Variants in PPARA observed in about 807,000 individuals in gnomAD.
PPARA encodes peroxisome proliferator activated receptor alpha.
In PPARA, 22 loss-of-function variants were observed where a neutral mutation model predicts 42.2. The observed-to-expected ratio is 0.52, with a 90% CI of 0.37 to 0.74. PPARA has a LOEUF of 0.74. PPARA is among the 30% of genes least tolerant of loss of function. The pLI is 0.00. For missense variants in PPARA, 465 were observed against 608.2 expected (o/e 0.76, Z 2.48); for synonymous variants, 242 against 239.3 (o/e 1.01, Z -0.10).
In PPARA at chr22:46,195,712, C is replaced by T. The variant is rs1012053813; in HGVS notation, c.-42-2630C>T. Among the ~76,000 whole-genome samples, 2 of 152,114 alleles carry T rather than the reference C, an allele frequency of 1.3e-5. No individual in the cohort carries two copies. Among genetic ancestry groups the T allele is most frequent in the Non-Finnish European group, 1.5e-5 (1 of 68,020 alleles). On this transcript the variant is annotated intron_variant, in intron 3 of 8. Coordinates refer to ENST00000407236, the MANE Select transcript of PPARA (RefSeq NM_005036.6). This position sits in a 1 kb window ranked among gnomAD's most constrained non-coding sequence, Gnocchi z 4.6. ...TAATGGGTGAATATTTGCTTTGGGA[C>T]GGTATTCTTTACTCTATCTGGAGAG...
chr22:46,190,005 G>A lies in PPARA; in HGVS notation c.-42-8337G>A, dbSNP rs1024285192. Reference sequence around the variant, plus strand: ...CAGGCATGAGCGACTGCGCCCAGCCGTGTTCATCTATTTCTGTGAACCGAT... The same window carrying A: ...CAGGCATGAGCGACTGCGCCCAGCCATGTTCATCTATTTCTGTGAACCGAT... On this transcript the variant is annotated intron_variant, in intron 3 of 8. Coordinates refer to ENST00000407236, the MANE Select transcript of PPARA (RefSeq NM_005036.6). The surrounding 1 kb of genome is among the most constrained non-coding windows in gnomAD (Gnocchi z 5.6). Among the ~76,000 whole-genome samples the A allele has an allele frequency of 7.2e-5, 11 of 152,050 alleles. No homozygotes were observed. The highest frequency in any genetic ancestry group is 1.0e-4 in the Non-Finnish European group (7 of 67,998).
rs747248946 is a variant in PPARA at position 46,235,152 on chromosome 22, C to T, written c.1179C>T (p.Asn393=). The change falls in exon 9 of 9, where the codon AAC becomes AAT. Residue 393 remains asparagine, a synonymous_variant. Coordinates refer to ENST00000407236, the MANE Select transcript of PPARA (RefSeq NM_005036.6). This position sits in a 1 kb window ranked among gnomAD's most constrained non-coding sequence, Gnocchi z 7.0. ...GACTAGATCGTCCTGGCCTTCTAAA[C>T]GTAGGACACATTGAAAAAATGCAGG... ...ICCGDRPGLL[N]VGHIEKMQEG... is the part of the protein sequence containing the mutation. 34 of 1,613,854 alleles carry T rather than the reference C, an allele frequency of 2.1e-5. No individual in the cohort carries two copies. The East Asian group carries it at 5.3e-4, about 25-fold the overall frequency.
chr22:46,207,568 C>A (rs1301840694), intron 4 of PPARA, among the ~76,000 whole-genome samples: 2 of 150,062 alleles, frequency 1.3e-5, no homozygotes, highest in African/African-American at 4.9e-5. Context: ...CAGGCATGAG[C>A]CACCGAGCCT....
In PPARA at chr22:46,204,724, C is replaced by T. The variant is rs1260216548; in HGVS notation, c.208+6133C>T. 6.6e-6 allele frequency among the ~76,000 whole-genome samples: 1 copy of T among 151,954 alleles called. No individual in the cohort carries two copies. The highest frequency in any genetic ancestry group is 1.5e-5 in the Non-Finnish European group (1 of 68,026). ...AATTGAGTTGCTTTTCTACTATTCACTATTGAACACTATTTATATATTTTG... is the reference window on the plus strand; with the variant it reads ...AATTGAGTTGCTTTTCTACTATTCATTATTGAACACTATTTATATATTTTG... On this transcript the variant is annotated intron_variant, in intron 4 of 8. Transcript: ENST00000407236. The surrounding 1 kb of genome is among the most constrained non-coding windows in gnomAD (Gnocchi z 5.2).
In PPARA at chr22:46,161,705, C is replaced by T. The variant is rs886251063; in HGVS notation, c.-127+9735C>T. Among the ~76,000 whole-genome samples, 4 of 152,196 alleles carry T rather than the reference C, an allele frequency of 2.6e-5. No individual in the cohort carries two copies. Among genetic ancestry groups the T allele is most frequent in the African/African-American group, 9.7e-5 (4 of 41,444 alleles). ...TGTAACACATCCATCCACCAGGTAT[C>T]ATTTTTATACACGTGAAGTTAAATC... On this transcript the variant is annotated intron_variant, in intron 2 of 8. Transcript: ENST00000407236. This position sits in a 1 kb window ranked among gnomAD's most constrained non-coding sequence, Gnocchi z 4.8.
At chr22:46,179,649 T>G (rs1379899584) in intron 3 of PPARA, among the ~76,000 whole-genome samples, 1 of 151,596 alleles carries the variant, frequency 6.6e-6, no homozygotes, top group Non-Finnish European at 1.5e-5. Context: ...GTGACCTTGG[T>G]CTAGGCAAAG....
At chr22:46,223,106 C>G (rs1424253636) in intron 7 of PPARA, among the ~76,000 whole-genome samples, 1 of 152,110 alleles carries the variant, frequency 6.6e-6, no homozygotes, top group African/African-American at 2.4e-5. Flanking sequence ...CAGCGAGCCA[C>G]GATCGCGCCA....
At chr22:46,158,913 G>A (rs1168518045) in intron 2 of PPARA, among the ~76,000 whole-genome samples, 3 of 152,098 alleles carry the variant, frequency 2.0e-5, no homozygotes, top group African/African-American at 7.2e-5. Context: ...TGTTGAGGCT[G>A]GAGTCTCGCT....
At chr22:46,174,620 C>T (rs996612679) in intron 2 of PPARA, among the ~76,000 whole-genome samples, 1 of 151,936 alleles carries the variant, frequency 6.6e-6, no homozygotes, top group African/African-American at 2.4e-5. Flanking sequence ...AGTTTGAGAA[C>T]AGCCTGGGAA....
chr22:46,195,738 T>G lies in PPARA; in HGVS notation c.-42-2604T>G, dbSNP rs57333727. ...GGTATTCTTTACTCTATCTGGAGAG[T>G]CTGGCGTTCCGTAATCACCATGTGA... On this transcript the variant is annotated intron_variant, in intron 3 of 8. Coordinates refer to ENST00000407236, the MANE Select transcript of PPARA (RefSeq NM_005036.6). The surrounding 1 kb of genome is among the most constrained non-coding windows in gnomAD (Gnocchi z 4.6). 1.3e-5 allele frequency among the ~76,000 whole-genome samples: 2 copies of G among 152,044 alleles called. No individual in the cohort carries two copies. The highest frequency in any genetic ancestry group is 4.8e-5 in the African/African-American group (2 of 41,372).
At position 46,162,879 on chromosome 22, in the gene PPARA, C is replaced by T. The variant is rs1926422053; in HGVS notation, c.-127+10909C>T. Among the ~76,000 whole-genome samples the T allele has an allele frequency of 6.6e-6, 1 of 152,208 alleles. No individual in the cohort carries two copies. Among genetic ancestry groups the T allele is most frequent in the Non-Finnish European group, 1.5e-5 (1 of 68,044 alleles). On this transcript the variant is annotated intron_variant, in intron 2 of 8. Coordinates refer to ENST00000407236, the MANE Select transcript of PPARA (RefSeq NM_005036.6). This position sits in a 1 kb window ranked among gnomAD's most constrained non-coding sequence, Gnocchi z 6.0. ...ATGAATTCTGCCTTCACTTGAGCAG[C>T]TATTAGGGGCATATGTCAGTCATTC... is the stretch of plus-strand genomic sequence containing the variant.
At position 46,235,305 on chromosome 22, in the gene PPARA, G is replaced by A; in HGVS notation, c.1332G>A (p.Val444=). The part of the protein sequence containing the change: ...RQLVTEHAQL[V]QIIKKTESDA... Reference sequence around the variant, plus strand: ...TGGTGACGGAGCATGCGCAGCTGGTGCAGATCATCAAGAAGACGGAGTCGG... The same window carrying A: ...TGGTGACGGAGCATGCGCAGCTGGTACAGATCATCAAGAAGACGGAGTCGG... The change falls in exon 9 of 9, where the codon GTG becomes GTA. Residue 444 remains valine (V), a synonymous_variant. Transcript: ENST00000407236. The surrounding 1 kb of genome is among the most constrained non-coding windows in gnomAD (Gnocchi z 7.0). The A allele has an allele frequency of 6.2e-7, 1 of 1,614,100 alleles. No homozygotes were observed. Among genetic ancestry groups the A allele is most frequent in the South Asian group, 1.1e-5 (1 of 91,080 alleles).
Position 46,219,837 on chromosome 22 carries a change from A to T in PPARA, c.534A>T (p.Arg178Ser), listed in dbSNP as rs1187156231. Residue 178 changes from arginine (R) to serine (S), a missense_variant, in exon 7 of 9, where the codon AGA becomes AGT. By Grantham distance (110) the Arg-to-Ser change is moderately radical (BLOSUM62 -1). This residue lies in a region of PPARA where 313 missense variants were observed against 469.1 expected (regional missense o/e 0.67). Coordinates refer to ENST00000407236, the MANE Select transcript of PPARA (RefSeq NM_005036.6). This position sits in a 1 kb window ranked among gnomAD's most constrained non-coding sequence, Gnocchi z 4.8. ...HNAIRFGRMP[R>S]SEKAKLKAEI... Reference sequence around the variant, plus strand: ...CGATTCGTTTTGGACGAATGCCAAGATCTGAGAAAGCAAAACTGAAAGCAG... The same window carrying T: ...CGATTCGTTTTGGACGAATGCCAAGTTCTGAGAAAGCAAAACTGAAAGCAG... The T allele has an allele frequency of 1.9e-6, 3 of 1,614,208 alleles. No homozygotes were observed. The East Asian group carries it at 6.7e-5, about 36-fold the overall frequency.
rs1934073921 is a variant in PPARA at position 46,212,861 on chromosome 22, T to C, written c.209-2312T>C. 6.6e-6 allele frequency among the ~76,000 whole-genome samples: 1 copy of C among 152,050 alleles called. No individual in the cohort carries two copies. The highest frequency in any genetic ancestry group is 2.4e-5 in the African/African-American group (1 of 41,398). The stretch of plus-strand genomic sequence containing the variant: ...AAATACAAAAATTAGCCGGGCGTGG[T>C]AATGGGCACCTGTAATCCCAGCTAC... On this transcript the variant is annotated intron_variant, in intron 4 of 8. Coordinates refer to ENST00000407236, the MANE Select transcript of PPARA (RefSeq NM_005036.6). The surrounding 1 kb of genome is among the most constrained non-coding windows in gnomAD (Gnocchi z 4.2).
chr22:46,207,167 G>A (rs1933395221), intron 4 of PPARA, among the ~76,000 whole-genome samples: 1 of 150,678 alleles, frequency 6.6e-6, no homozygotes, highest in South Asian at 2.1e-4. Flanking sequence ...AGGTTGCAGT[G>A]AGCCAAGATC....
intron 4 of PPARA, among the ~76,000 whole-genome samples, chr22:46,199,936 T>C (rs1932772687): frequency 6.6e-6 from 1 of 152,092 alleles, no homozygotes; most frequent in Non-Finnish European, 1.5e-5. Context: ...TTGGCCAGGC[T>C]GGTCTCAAAC....
rs1348865713 is a variant in PPARA at position 46,165,178 on chromosome 22, G to A, written c.-126-11575G>A. 6.6e-6 allele frequency: 1 copy of A among 152,258 alleles called. No individual in the cohort carries two copies. The highest frequency in any genetic ancestry group is 1.9e-4 in the East Asian group (1 of 5,200). The allele number at this position is 152,258 out of a possible 1,614,324, so 9.4% of individuals were successfully genotyped here. ...AGCCTCCCGAGGAGCTGGGACTACA[G>A]GCGCCTGCCACCACACCTGGCTAAT... On this transcript the variant is annotated intron_variant, in intron 2 of 8. Coordinates refer to ENST00000407236, the MANE Select transcript of PPARA (RefSeq NM_005036.6). This position sits in a 1 kb window ranked among gnomAD's most constrained non-coding sequence, Gnocchi z 5.5.
chr22:46,217,965 G>C (rs76690011), intron 5 of PPARA, among the ~76,000 whole-genome samples: 1 of 150,894 alleles, frequency 6.6e-6, no homozygotes, highest in African/African-American at 2.4e-5. Context: ...TGAGTAGCTG[G>C]GACTACAGAC....
At position 46,242,151 on chromosome 22, in the gene PPARA, T is replaced by G. The variant is rs1328306350; in HGVS notation, c.*6771T>G. ...TGAATTGATAAAGTGCCGTGCAAAC[T>G]GGTGCACAAACAGGCCCCCAGTCCA... On this transcript the variant is annotated 3_prime_UTR_variant, in exon 9 of 9. Transcript: ENST00000407236. The surrounding 1 kb of genome is among the most constrained non-coding windows in gnomAD (Gnocchi z 6.1). The G allele has an allele frequency of 2.0e-5, 3 of 152,144 alleles. No individual in the cohort carries two copies. The highest frequency in any genetic ancestry group is 2.9e-5 in the Non-Finnish European group (2 of 68,030). The allele number at this position is 152,144 out of a possible 1,614,324, so 9.4% of individuals were successfully genotyped here.
Sources: allele counts gnomAD v4.1 joint callset (sites outside exome capture counted in the v4.1 genomes callset), GRCh38; gene constraint gnomAD v4.1.1; regional missense constraint gnomAD v4.1.1; non-coding constraint Gnocchi (gnomAD v3.1); transcripts MANE v1.5; gene names NCBI Gene and HGNC (gene_info 2026-07-23, HGNC 2026-07-21).